Variants in PNKD observed in about 807,000 individuals in gnomAD.
PNKD encodes the protein PNKD metallo-beta-lactamase domain containing.
PNKD carries 36 observed loss-of-function variants against 45.3 expected under a neutral mutation model. The ratio of observed to expected loss-of-function variants is 0.80; its 90% confidence interval spans 0.61 to 1.05. PNKD has a LOEUF of 1.05. PNKD is among the 50% of genes least tolerant of loss of function. The pLI is 0.00. For missense variants in PNKD, 511 were observed against 506.6 expected, an observed-to-expected ratio of 1.01 and a Z score of -0.08; for synonymous variants, 197 against 210.1, an observed-to-expected ratio of 0.94 and a Z score of 0.54.
intron 2 of PNKD, among the ~76,000 whole-genome samples, chr2:218,283,014 G>A (rs1475329552): frequency 6.6e-6 from 1 of 152,176 alleles, no homozygotes; most frequent in Non-Finnish European, 1.5e-5. Context: ...CCACCCTGGA[G>A]GGGGAGACAG....
intron 2 of PNKD, among the ~76,000 whole-genome samples, chr2:218,293,927 TA>T (rs56100300): frequency 0.59 from 69,851 of 118,774 alleles, 19,819 homozygotes; most frequent in African/African-American, 0.63. Context: ...AACAGAGATT[TA>T]AAAAAAAAAA....
At chr2:218,317,806 T>C (rs1429772215) in intron 2 of PNKD, 1 of 152,274 alleles carries the variant, frequency 6.6e-6, no homozygotes, top group Non-Finnish European at 1.5e-5. Flanking sequence ...TGAGCTTTGG[T>C]TGGGGATAAC....
At position 218,279,395 on chromosome 2, in the gene PNKD, CT is replaced by C. The variant is rs150943893; in HGVS notation, c.236+7847del. 3,284 of 1,507,122 alleles carry C rather than the reference CT, an allele frequency of 2.2e-3. 63 individuals carry two copies. In the African/African-American group the frequency reaches 0.041, roughly 19 times the overall value. 93.4% of individuals were successfully genotyped at this position (1,507,122 alleles called of 1,614,324 possible). On this transcript the variant is annotated intron_variant, in intron 2 of 9. Coordinates refer to ENST00000273077, the MANE Select transcript of PNKD (RefSeq NM_015488.5). ...GGGCATGGGTCACCATCCGGCACCCCTGGCCTGCCCCAGGAAGCTGCCAGCC... is the reference window on the plus strand; with the variant it reads ...GGGCATGGGTCACCATCCGGCACCCCGGCCTGCCCCAGGAAGCTGCCAGCC...
chr2:218,281,359 A>G (rs895125762), intron 2 of PNKD, among the ~76,000 whole-genome samples: 1 of 151,918 alleles, frequency 6.6e-6, no homozygotes, highest in Non-Finnish European at 1.5e-5. Context: ...CTGGTCTCGA[A>G]TTCCTGACCT....
chr2:218,295,670 C>G (rs1693124263), intron 2 of PNKD, among the ~76,000 whole-genome samples: 1 of 151,662 alleles, frequency 6.6e-6, no homozygotes, highest in Admixed American at 6.6e-5. Flanking sequence ...GCCAAGGAGG[C>G]AGGGGGCCAG....
intron 2 of PNKD, among the ~76,000 whole-genome samples, chr2:218,312,565 T>TAAAA (rs5838691): frequency 7.1e-6 from 1 of 141,474 alleles, no homozygotes; most frequent in African/African-American, 2.6e-5. Context: ...CCATGTTGTT[T>TAAAA]AAAAAAAAAA....
intron 2 of PNKD, among the ~76,000 whole-genome samples, chr2:218,287,518 G>C (rs1692617849): frequency 6.6e-6 from 1 of 152,096 alleles, no homozygotes; most frequent in Non-Finnish European, 1.5e-5. Flanking sequence ...GACCATCGTG[G>C]CCAACATGGT....
chr2:218,336,521 C>T (rs1694496859), intron 2 of PNKD, among the ~76,000 whole-genome samples: 1 of 152,194 alleles, frequency 6.6e-6, no homozygotes. Flanking sequence ...TCCTCTGTCA[C>T]TCAGACTGGA....
intron 2 of PNKD, chr2:218,277,396 A>G (rs1191831388): frequency 6.2e-7 from 1 of 1,614,150 alleles, no homozygotes; most frequent in South Asian, 1.1e-5. Context: ...TGGTGACTGA[A>G]ATGGATACCA....
intron 2 of PNKD, among the ~76,000 whole-genome samples, chr2:218,273,749 C>T (rs922527051): frequency 4.0e-5 from 6 of 151,800 alleles, no homozygotes; most frequent in South Asian, 2.1e-4. Context: ...CCACCGCCCT[C>T]GGCCTCCCAA....
rs377618088 is a variant in PNKD, at chr2:218,275,610, G to A, written c.236+4061G>A. On this transcript the variant is annotated intron_variant, in intron 2 of 9. Transcript: ENST00000273077. Reference sequence around the variant, plus strand: ...GGTTCCCCAGGACCAGCTGTGTGTCGTAAGCCAGGAACTGCAAGGATAGGG... The same window carrying A: ...GGTTCCCCAGGACCAGCTGTGTGTCATAAGCCAGGAACTGCAAGGATAGGG... The A allele has an allele frequency of 1.1e-5, 18 of 1,611,674 alleles. No homozygotes were observed. The East Asian group carries it at 2.0e-4, about 18-fold the overall frequency.
chr2:218,320,022 G>A (rs1693942303), intron 2 of PNKD, among the ~76,000 whole-genome samples: 1 of 152,260 alleles, frequency 6.6e-6, no homozygotes, highest in African/African-American at 2.4e-5. Flanking sequence ...TTGAGGAAGT[G>A]TGGCTGGTCC....
chr2:218,287,758 C>A (rs966699074), intron 2 of PNKD, among the ~76,000 whole-genome samples: 1 of 151,908 alleles, frequency 6.6e-6, no homozygotes, highest in African/African-American at 2.4e-5. Context: ...AACTCGAGGC[C>A]ACCCCTCCCA....
At chr2:218,336,794 T>TA (rs1694507892) in intron 2 of PNKD, among the ~76,000 whole-genome samples, 1 of 139,206 alleles carries the variant, frequency 7.2e-6, no homozygotes, top group Non-Finnish European at 1.5e-5. Flanking sequence ...AATTCTTTTT[T>TA]TTTTTTTTTT....
chr2:218,298,562 TA>T (rs1291741805), intron 2 of PNKD, among the ~76,000 whole-genome samples: 1 of 152,204 alleles, frequency 6.6e-6, no homozygotes, highest in Non-Finnish European at 1.5e-5. Context: ...GGGGCAGAGT[TA>T]AAATGTTCAT....
chr2:218,331,820 C>A (rs1694331708), intron 2 of PNKD, among the ~76,000 whole-genome samples: 1 of 152,176 alleles, frequency 6.6e-6, no homozygotes, highest in Non-Finnish European at 1.5e-5. Flanking sequence ...TGTGGTATGT[C>A]TCAGCATAAC....
chr2:218,280,260 A>T, intron 2 of PNKD: 1 of 680,372 alleles, frequency 1.5e-6, no homozygotes, highest in Admixed American at 2.4e-5. Context: ...CTCTTCTCCC[A>T]AGCTGGGGTC....
At position 218,315,120 on chromosome 2, in the gene PNKD, C is replaced by CTTTCTTTCTTTCTTTCTTT. The variant is rs1553667879; in HGVS notation, c.237-24663_237-24662insTTTCTTTCTTTCTTTCTTT. Among the ~76,000 whole-genome samples the CTTTCTTTCTTTCTTTCTTT allele has an allele frequency of 3.0e-4, 14 of 47,174 alleles. No individual in the cohort carries two copies. In the South Asian group the frequency reaches 9.7e-3, roughly 33 times the overall value. 30.9% of individuals were successfully genotyped at this position (47,174 alleles called of 152,430 possible). On this transcript the variant is annotated intron_variant, in intron 2 of 9. Transcript: ENST00000273077. ...TCCTTCCTTCCTTCCTTCCTTCCTT[C>CTTTCTTTCTTTCTTTCTTT]CTTTCTTTCTTTCTTTCTTTCTTTC...
chr2:218,282,068 C>T (rs1319828881), intron 2 of PNKD: 2 of 1,595,648 alleles, frequency 1.3e-6, no homozygotes, highest in South Asian at 1.1e-5. Flanking sequence ...CTGCCCATAG[C>T]CCCCAGGGGG....
Sources: allele counts gnomAD v4.1 joint callset (sites outside exome capture counted in the v4.1 genomes callset), GRCh38; gene constraint gnomAD v4.1.1; transcripts MANE v1.5; gene names NCBI Gene and HGNC (gene_info 2026-07-23, HGNC 2026-07-21).